The following AFP variants were observed in gnomAD, a reference collection of about 807,000 sequenced individuals.
AFP encodes the protein alpha fetoprotein.
Under a neutral mutation model 78.9 loss-of-function variants are expected in AFP, and 64 were observed. That is an observed-to-expected ratio of 0.81 (90% CI 0.66 to 1.00). The LOEUF (loss-of-function observed/expected upper bound fraction) is 1.00. Ranked by LOEUF, AFP falls within the 50% of genes least tolerant of loss-of-function variation. The probability of loss-of-function intolerance (pLI) is 0.00; values close to 1 mark genes in which losing one functional copy is unlikely to be tolerated. For synonymous variants in AFP, 254 were observed against 243.8 expected (o/e 1.04, Z -0.39); for missense variants, 689 against 703.8 (o/e 0.98, Z 0.24).
chr4:73,445,867 C>A lies in AFP; in HGVS notation c.843+745C>A, dbSNP rs144478454. On this transcript the variant is annotated intron_variant, in intron 7 of 14. Coordinates refer to ENST00000395792, the MANE Select transcript of AFP (RefSeq NM_001134.3). ...TGTGGCATTGGCTTATTTTGGCTAA[C>A]CCTAGACTTCCTAGATTTTACAAGA... Among the ~76,000 whole-genome samples, 223 of 152,194 alleles carry A rather than the reference C, an allele frequency of 1.5e-3. 1 individual carries two copies. Among genetic ancestry groups the A allele is most frequent in the Non-Finnish European group, 2.6e-3 (175 of 68,020 alleles).
Position 73,451,218 on chromosome 4 carries a change from G to T in AFP, c.1428+465G>T, listed in dbSNP as rs577213125. 2.8e-4 allele frequency among the ~76,000 whole-genome samples: 43 copies of T among 152,186 alleles called. No homozygotes were observed. The South Asian group carries it at 7.9e-3, about 28-fold the overall frequency. ...CATGATATTATTATTATGACATCAGGAATAATTGGTTCCCTTTCGCAGGGT... is the reference window on the plus strand; with the variant it reads ...CATGATATTATTATTATGACATCAGTAATAATTGGTTCCCTTTCGCAGGGT... On this transcript the variant is annotated intron_variant, in intron 11 of 14. Transcript: ENST00000395792.
rs753006750 is a variant in AFP, at chr4:73,447,554, A to T, written c.936A>T (p.Gln312His). The change falls in exon 8 of 15, where the codon CAA becomes CAT. Residue 312 changes from glutamine (Q) to histidine (H), a missense_variant. Transcript: ENST00000395792. ...AACTGACCACGCTGGAACGTGGTCA[A>T]TGTATAATTCATGCAGAAAATGATG... ...CCKLTTLERG[Q>H]CIIHAENDEK... The T allele has an allele frequency of 2.5e-6, 4 of 1,612,608 alleles. No individual in the cohort carries two copies. The highest frequency in any genetic ancestry group is 2.2e-5 in the South Asian group (2 of 91,014).
In AFP at chr4:73,455,285, C is replaced by G. The variant is rs753703222; in HGVS notation, c.*5C>G. Reference sequence around the variant, plus strand: ...CGTGCTGCTTTGGGAGTTTAAATTACTTCAGGTAACAAAACATTCAGACAA... The same window carrying G: ...CGTGCTGCTTTGGGAGTTTAAATTAGTTCAGGTAACAAAACATTCAGACAA... On this transcript the variant is annotated 3_prime_UTR_variant, in exon 14 of 15. Coordinates refer to ENST00000395792, the MANE Select transcript of AFP (RefSeq NM_001134.3). The G allele has an allele frequency of 1.2e-6, 2 of 1,611,016 alleles. No individual in the cohort carries two copies. Among genetic ancestry groups the G allele is most frequent in the South Asian group, 2.2e-5 (2 of 91,008 alleles).
intron 10 of AFP, 95 bp from the exon 11 acceptor site, chr4:73,450,520 T>C: frequency 6.4e-7 from 1 of 1,564,568 alleles, no homozygotes; most frequent in East Asian, 2.2e-5. Context: ...CCTCATGTCT[T>C]CTGGCATGAG....
intron 10 of AFP, 109 bp downstream of exon 10, chr4:73,450,242 C>A: frequency 2.1e-6 from 2 of 949,288 alleles, no homozygotes; most frequent in Non-Finnish European, 3.3e-6. Context: ...GAGGTCTGAT[C>A]TGTGGTATTG....
chr4:73,441,899 C>T (rs1719679701), intron 4 of AFP, among the ~76,000 whole-genome samples: 1 of 152,164 alleles, frequency 6.6e-6, no homozygotes, highest in African/African-American at 2.4e-5. Flanking sequence ...GGTGCATAAC[C>T]CCATTCTGCA....
intron 10 of AFP, 24 bp from the exon 11 acceptor site, chr4:73,450,591 T>C (rs775184737): frequency 1.2e-6 from 2 of 1,614,038 alleles, no homozygotes; most frequent in Admixed American, 3.3e-5. Flanking sequence ...TCAGCAGGAC[T>C]TAGTTAAAAA....
chr4:73,452,236 A>C (rs758042788), intron 11 of AFP, among the ~76,000 whole-genome samples, 165 bp from the exon 12 acceptor site: 1 of 152,202 alleles, frequency 6.6e-6, no homozygotes, highest in Non-Finnish European at 1.5e-5. Context: ...TAAATCCTGG[A>C]ATTTACAATA....
At chr4:73,441,306 C>T (rs957000557) in intron 4 of AFP, among the ~76,000 whole-genome samples, 1 of 152,022 alleles carries the variant, frequency 6.6e-6, no homozygotes, top group African/African-American at 2.4e-5. Flanking sequence ...GTGGCTCACG[C>T]TTGTAATCCC....
intron 2 of AFP, 77 bp downstream of exon 2, chr4:73,437,288 C>T: frequency 2.5e-6 from 3 of 1,201,444 alleles, no homozygotes; most frequent in South Asian, 1.3e-5. Flanking sequence ...ATTGGGTACC[C>T]CTGTGAGCTC....
Position 73,453,739 on chromosome 4 carries a change from G to A in AFP, c.1653-26G>A, listed in dbSNP as rs374795784. On this transcript the variant is annotated intron_variant, in intron 12 of 14. Transcript: ENST00000395792. ...TAGCATTGCATAACAGACTTCTCTTGTATTTTGTTTTGTTTTAAATCACAG... is the reference window on the plus strand; with the variant it reads ...TAGCATTGCATAACAGACTTCTCTTATATTTTGTTTTGTTTTAAATCACAG... 1.7e-5 allele frequency: 28 copies of A among 1,610,990 alleles called. No individual in the cohort carries two copies. The African/African-American group carries it at 3.5e-4, about 20-fold the overall frequency.
chr4:73,438,713 T>C (rs1311317694), intron 3 of AFP, among the ~76,000 whole-genome samples: 1 of 152,130 alleles, frequency 6.6e-6, no homozygotes, highest in African/African-American at 2.4e-5. Context: ...GGGAGCATAA[T>C]GTGTATATTG....
chr4:73,450,791 C>T (rs536533047), intron 11 of AFP, 38 bp downstream of exon 11: 6 of 1,612,926 alleles, frequency 3.7e-6, no homozygotes, highest in South Asian at 3.3e-5. Context: ...CTCATTTCTG[C>T]CCTGTTTGAC....
In AFP at chr4:73,438,180, C is replaced by T. The variant is rs965682910; in HGVS notation, c.144C>T (p.Thr48=). The stretch of plus-strand genomic sequence containing the variant: ...ACACGTATTTTTGTTTCAGGGCTAC[C>T]ATATTTTTTGCCCAGTTTGTTCAAG... ...TAEISLADLA[T]IFFAQFVQEA... Residue 48 remains threonine, a synonymous_variant, in exon 3 of 15, where the codon ACC becomes ACT. Transcript: ENST00000395792. 1.6e-5 allele frequency: 26 copies of T among 1,613,254 alleles called. No homozygotes were observed. Among genetic ancestry groups the T allele is most frequent in the Non-Finnish European group, 2.1e-5 (25 of 1,179,394 alleles).
intron 3 of AFP, 92 bp downstream of exon 3, chr4:73,438,398 T>A (rs1489714585): frequency 7.0e-7 from 1 of 1,434,490 alleles, no homozygotes; most frequent in African/African-American, 1.4e-5. Context: ...AAAAATGCAT[T>A]TATATATTTG....
rs776578845 is a variant in AFP, at chr4:73,445,163, C to A, written c.843+41C>A. ...TCTTAAAATAGAAGATTTTCACTCCCTTTTCTTTCTTTTTGTCTCATTCTA... is the reference window on the plus strand; with the variant it reads ...TCTTAAAATAGAAGATTTTCACTCCATTTTCTTTCTTTTTGTCTCATTCTA... On this transcript the variant is annotated intron_variant, in intron 7 of 14. Transcript: ENST00000395792. The A allele has an allele frequency of 3.1e-6, 5 of 1,608,998 alleles. No homozygotes were observed. In the East Asian group the frequency reaches 9.0e-5, roughly 29 times the overall value.
At chr4:73,451,486 A>G (rs1577959009) in intron 11 of AFP, among the ~76,000 whole-genome samples, 1 of 152,252 alleles carries the variant, frequency 6.6e-6, no homozygotes, top group East Asian at 1.9e-4. Context: ...TTTTTCCCCA[A>G]AGGTTAAGAG....
At chr4:73,451,577 A>G (rs1182015958) in intron 11 of AFP, among the ~76,000 whole-genome samples, 1 of 152,166 alleles carries the variant, frequency 6.6e-6, no homozygotes, top group Non-Finnish European at 1.5e-5. Context: ...GGGATGCAGG[A>G]TGGTGTAATG....
intron 11 of AFP, among the ~76,000 whole-genome samples, chr4:73,451,657 A>G (rs1248033331): frequency 6.6e-6 from 1 of 152,242 alleles, no homozygotes; most frequent in Non-Finnish European, 1.5e-5. Flanking sequence ...CTTTAGTTGT[A>G]TCACAGTGGG....
Sources: gnomAD v4.1 joint callset for allele counts (sites outside exome capture counted in the v4.1 genomes callset) on GRCh38, gnomAD v4.1.1 for gene constraint, MANE v1.5 for transcripts, NCBI Gene and HGNC (gene_info 2026-07-23, HGNC 2026-07-21) for gene names.